CRISPLD1: variants seen among roughly 807,000 people sequenced by gnomAD.
The protein encoded by CRISPLD1 is cysteine rich secretory protein LCCL domain containing 1, also known as cysteine-rich secretory protein LCCL domain-containing 1.
A neutral mutation model predicts 77.5 loss-of-function variants in CRISPLD1; 60 were observed. That is an observed-to-expected ratio of 0.77 (90% confidence interval 0.63 to 0.96). The LOEUF (loss-of-function observed/expected upper bound fraction) is 0.96, where lower values mean the gene tolerates loss of function less well. Ranked by LOEUF, CRISPLD1 falls within the 40% of genes least tolerant of loss-of-function variation. The pLI is 0.00. For missense variants in CRISPLD1, 623 were observed against 615.8 expected, an observed-to-expected ratio of 1.01 and a Z score of -0.12; for synonymous variants, 195 against 200.1, an observed-to-expected ratio of 0.97 and a Z score of 0.22.
intron 2 of CRISPLD1, among the ~76,000 whole-genome samples, chr8:75,001,956 C>A (rs1229941106): frequency 6.6e-6 from 1 of 152,032 alleles, no homozygotes. Context: ...CTTGACCTTT[C>A]TTGACCTAAA....
intron 2 of CRISPLD1, chr8:75,000,113 C>T (rs1812713342): frequency 1.0e-6 from 1 of 983,548 alleles, no homozygotes; most frequent in Non-Finnish European, 1.2e-6. Flanking sequence ...TGGAATGTCC[C>T]CTGTATGTCA....
chr8:75,012,820 A>G (rs879884632), intron 3 of CRISPLD1, 70 bp from the exon 4 acceptor site: 9 of 1,514,692 alleles, frequency 5.9e-6, no homozygotes, highest in Admixed American at 1.9e-5. Flanking sequence ...ATACCAATGT[A>G]TTTTGCAATA....
At chr8:74,989,838 T>C (rs946706269) in intron 2 of CRISPLD1, among the ~76,000 whole-genome samples, 1 of 152,208 alleles carries the variant, frequency 6.6e-6, no homozygotes, top group Non-Finnish European at 1.5e-5. Context: ...TAGAAGAGTT[T>C]TCCCTGGGTT....
intron 1 of CRISPLD1, among the ~76,000 whole-genome samples, chr8:74,985,615 G>A (rs1391416580): frequency 6.6e-6 from 1 of 152,136 alleles, no homozygotes; most frequent in African/African-American, 2.4e-5. Flanking sequence ...GCCACTTAAA[G>A]TCTTGCAATT....
chr8:74,998,582 G>C (rs1812681334), intron 2 of CRISPLD1, among the ~76,000 whole-genome samples: 1 of 150,594 alleles, frequency 6.6e-6, no homozygotes, highest in Non-Finnish European at 1.5e-5. Context: ...CAGCTACTGG[G>C]AAGGCTGAGG....
intron 2 of CRISPLD1, among the ~76,000 whole-genome samples, chr8:75,008,616 T>C (rs551507185): frequency 3.3e-5 from 5 of 152,138 alleles, no homozygotes; most frequent in African/African-American, 7.2e-5. Context: ...ATATTAATAT[T>C]GATAAAGAAC....
At chr8:75,017,471 T>C in intron 10 of CRISPLD1, 21 bp downstream of exon 10, 1 of 1,571,742 alleles carries the variant, frequency 6.4e-7, no homozygotes, top group Non-Finnish European at 8.6e-7. Flanking sequence ...AAATAATCTT[T>C]TGGACCAGAT....
intron 2 of CRISPLD1, among the ~76,000 whole-genome samples, chr8:74,998,290 AAAT>A (rs1812676471): frequency 6.6e-6 from 1 of 152,190 alleles, no homozygotes; most frequent in African/African-American, 2.4e-5. Context: ...CATTATGAAA[AAAT>A]AGTAGTTTTG....
At chr8:74,990,459 C>T (rs1812555577) in intron 2 of CRISPLD1, among the ~76,000 whole-genome samples, 1 of 151,980 alleles carries the variant, frequency 6.6e-6, no homozygotes. Context: ...GTTTGTTTCC[C>T]AACTTTTCAT....
At chr8:74,991,513 T>C (rs1368212296) in intron 2 of CRISPLD1, among the ~76,000 whole-genome samples, 1 of 152,154 alleles carries the variant, frequency 6.6e-6, no homozygotes, top group Admixed American at 6.5e-5. Context: ...TTTGAACCTG[T>C]GTTCACATTG....
intron 2 of CRISPLD1, among the ~76,000 whole-genome samples, chr8:75,003,526 A>G (rs1358230394): frequency 6.6e-6 from 1 of 152,166 alleles, no homozygotes; most frequent in African/African-American, 2.4e-5. Context: ...GAGTTTTCCT[A>G]TCATGCATTT....
intron 2 of CRISPLD1, among the ~76,000 whole-genome samples, chr8:75,010,285 A>G (rs1812905935): frequency 6.6e-6 from 1 of 152,122 alleles, no homozygotes; most frequent in Non-Finnish European, 1.5e-5. Flanking sequence ...TGAATTAGGA[A>G]TCTTCTTCTC....
chr8:74,985,961 C>T lies in CRISPLD1; in HGVS notation c.-27C>T. The T allele has an allele frequency of 1.3e-6, 2 of 1,593,234 alleles. No individual in the cohort carries two copies. Among genetic ancestry groups the T allele is most frequent in the Non-Finnish European group, 8.6e-7 (1 of 1,165,774 alleles). Reference sequence around the variant, plus strand: ...TGGAAGAGCCTGTCTTGGAGATTTTCCTGGGGAAATCCTGAGGTCATTCAT... The same window carrying T: ...TGGAAGAGCCTGTCTTGGAGATTTTTCTGGGGAAATCCTGAGGTCATTCAT... On this transcript the variant is annotated 5_prime_UTR_variant, in exon 2 of 15. Coordinates refer to ENST00000262207, the MANE Select transcript of CRISPLD1 (RefSeq NM_031461.6).
chr8:75,020,514 G>A (rs1164420758), intron 12 of CRISPLD1, among the ~76,000 whole-genome samples: 1 of 152,200 alleles, frequency 6.6e-6, no homozygotes, highest in Admixed American at 6.5e-5. Flanking sequence ...GTCCTCACAT[G>A]GTGGAGGGAG....
chr8:75,004,909 G>A (rs1205178195), intron 2 of CRISPLD1, among the ~76,000 whole-genome samples: 4 of 152,126 alleles, frequency 2.6e-5, no homozygotes, highest in East Asian at 3.8e-4. Context: ...CTAAACTGAA[G>A]AGAGGCCTGT....
intron 6 of CRISPLD1, 120 bp downstream of exon 6, chr8:75,015,032 C>A: frequency 2.1e-6 from 1 of 486,276 alleles, no homozygotes; most frequent in Non-Finnish European, 3.6e-6. Context: ...ATCTAGAACT[C>A]TATTTCAAAT....
rs1813378703 is a variant in CRISPLD1 at position 75,032,993 on chromosome 8, T to C, written c.*751T>C. The C allele has an allele frequency of 6.6e-6, 1 of 152,072 alleles. No individual in the cohort carries two copies. Among genetic ancestry groups the C allele is most frequent in the Non-Finnish European group, 1.5e-5 (1 of 67,840 alleles). 9.4% of individuals were successfully genotyped at this position (152,072 alleles called of 1,614,324 possible). On this transcript the variant is annotated 3_prime_UTR_variant, in exon 15 of 15. Coordinates refer to ENST00000262207, the MANE Select transcript of CRISPLD1 (RefSeq NM_031461.6). ...GTTAAAATTGAGGTCACATATTTTC[T>C]TTTGTATCCTGGCAAATACTCCTGC...
intron 2 of CRISPLD1, among the ~76,000 whole-genome samples, chr8:74,992,869 TTCTTTCTA>T (rs757277991): frequency 8.5e-5 from 13 of 152,246 alleles, no homozygotes; most frequent in Non-Finnish European, 1.3e-4. Flanking sequence ...GTTACTTATG[TTCTTTCTA>T]AGGCCATGCT....
chr8:75,034,218 A>G lies in CRISPLD1; in HGVS notation c.*1976A>G, dbSNP rs1201789496. 1 of 152,064 alleles carries G rather than the reference A, an allele frequency of 6.6e-6. No homozygotes were observed. The highest frequency in any genetic ancestry group is 1.5e-5 in the Non-Finnish European group (1 of 67,950). 9.4% of individuals were successfully genotyped at this position (152,064 alleles called of 1,614,324 possible). On this transcript the variant is annotated 3_prime_UTR_variant, in exon 15 of 15. Transcript: ENST00000262207. ...TAAGAACTTCCATAGTCTTGTTCATATTGTTTACCTATCTTCTACACAAGG... is the reference window on the plus strand; with the variant it reads ...TAAGAACTTCCATAGTCTTGTTCATGTTGTTTACCTATCTTCTACACAAGG...
Sources: allele counts gnomAD v4.1 joint callset (sites outside exome capture counted in the v4.1 genomes callset), GRCh38; gene constraint gnomAD v4.1.1; transcripts MANE v1.5; gene names NCBI Gene and HGNC (gene_info 2026-07-23, HGNC 2026-07-21).